CLIP1: variants seen among roughly 807,000 people sequenced by gnomAD.
CLIP1 encodes CAP-Gly domain containing linker protein 1, also known as CAP-Gly domain-containing linker protein 1.
CLIP1 carries 66 observed loss-of-function variants against 161.6 expected under a neutral mutation model. That is an observed-to-expected ratio of 0.41 (90% CI 0.33 to 0.50). The LOEUF (loss-of-function observed/expected upper bound fraction) is 0.50, where lower values mean the gene tolerates loss of function less well. CLIP1 is among the 20% of genes least tolerant of loss of function. The pLI is 0.27. For missense variants in CLIP1, 1,376 were observed against 1,702.0 expected (o/e 0.81, Z 3.37); for synonymous variants, 598 against 626.2 (o/e 0.96, Z 0.67).
chr12:122,310,281 AG>A (rs1311744118), intron 19 of CLIP1, among the ~76,000 whole-genome samples: 1 of 152,244 alleles, frequency 6.6e-6, no homozygotes, highest in Non-Finnish European at 1.5e-5. Flanking sequence ...TTTGCTGCCA[AG>A]GCACTCTGTT....
At chr12:122,380,924 G>C (rs758685727) in intron 1 of CLIP1, among the ~76,000 whole-genome samples, 50 of 152,208 alleles carry the variant, frequency 3.3e-4, no homozygotes, top group Middle Eastern at 3.4e-3. Flanking sequence ...AATTAGCCAT[G>C]AGGCTGAGGG....
chr12:122,358,983 C>T (rs1953644991), intron 5 of CLIP1, among the ~76,000 whole-genome samples: 1 of 152,168 alleles, frequency 6.6e-6, no homozygotes, highest in African/African-American at 2.4e-5. Flanking sequence ...ATCGCTTGAA[C>T]CCGGGAGACA....
Position 122,336,281 on chromosome 12 carries a change from A to G in CLIP1, c.2568+351T>C, listed in dbSNP as rs530680266. ...AATCACAGTTTAGGGGCCTCATTCA[A>G]TATGAAGGGGCCTCATTCAATATGA... is the stretch of plus-strand genomic sequence containing the variant. On this transcript the variant is annotated intron_variant, in intron 12 of 25. Coordinates refer to ENST00000620786, the MANE Select transcript of CLIP1 (RefSeq NM_001247997.2). Among the ~76,000 whole-genome samples, 252 of 152,274 alleles carry G rather than the reference A, an allele frequency of 1.7e-3. 3 individuals are homozygous for G. The South Asian group carries it at 0.022, about 14-fold the overall frequency.
chr12:122,377,048 C>T (rs1378180184), intron 3 of CLIP1, among the ~76,000 whole-genome samples: 2 of 150,188 alleles, frequency 1.3e-5, no homozygotes, highest in Non-Finnish European at 3.0e-5. Context: ...CTCACTCTCT[C>T]GCCCAGGCTG....
chr12:122,294,920 G>A (rs1950411494), intron 20 of CLIP1, among the ~76,000 whole-genome samples: 1 of 151,568 alleles, frequency 6.6e-6, no homozygotes, highest in South Asian at 2.1e-4. Context: ...TGGGCGTGGT[G>A]GCATGCACCT....
rs144384017 is a variant in CLIP1 at position 122,349,912 on chromosome 12, G to T, written c.1401+1199C>A. Reference sequence around the variant, plus strand: ...TTTTTTTGTTTTTTTTGTTTTTTTTGTTTTTTTTTGAGATGGAGTTTTGTT... The same window carrying T: ...TTTTTTTGTTTTTTTTGTTTTTTTTTTTTTTTTTTGAGATGGAGTTTTGTT... On this transcript the variant is annotated intron_variant, in intron 9 of 25. Transcript: ENST00000620786. Among the ~76,000 whole-genome samples, 701 of 132,988 alleles carry T rather than the reference G, an allele frequency of 5.3e-3. 6 individuals carry two copies. Among genetic ancestry groups the T allele is most frequent in the Non-Finnish European group, 6.0e-3 (357 of 59,830 alleles). The allele number at this position is 132,988 out of a possible 152,430, so 87.2% of individuals were successfully genotyped here.
At chr12:122,294,045 A>G (rs1950367940) in intron 20 of CLIP1, among the ~76,000 whole-genome samples, 1 of 151,684 alleles carries the variant, frequency 6.6e-6, no homozygotes, top group Admixed American at 6.6e-5. Flanking sequence ...ATTCAAAACA[A>G]CTTTACTCAA....
rs1416949648 is a variant in CLIP1, at chr12:122,347,364, A to C, written c.1506+11T>G. ...CATGGGTCTGCTTCATTAAATAGTGAAAACCATTACCCTAGTGTCTTCTAA... is the reference window on the plus strand; with the variant it reads ...CATGGGTCTGCTTCATTAAATAGTGCAAACCATTACCCTAGTGTCTTCTAA... On this transcript the variant is annotated intron_variant, in intron 10 of 25. Transcript: ENST00000620786. 6.3e-7 allele frequency: 1 copy of C among 1,579,962 alleles called. No individual in the cohort carries two copies. Among genetic ancestry groups the C allele is most frequent in the Non-Finnish European group, 8.7e-7 (1 of 1,149,568 alleles).
chr12:122,340,767 C>G lies in CLIP1; in HGVS notation c.2437G>C (p.Ala813Pro), dbSNP rs537513361. The G allele has an allele frequency of 6.3e-7, 1 of 1,578,696 alleles. No homozygotes were observed. Among genetic ancestry groups the G allele is most frequent in the African/African-American group, 1.4e-5 (1 of 73,244 alleles). Residue 813 changes from alanine (A) to proline (P), a missense_variant, in exon 11 of 26, where the codon GCT becomes CCT. Coordinates refer to ENST00000620786, the MANE Select transcript of CLIP1 (RefSeq NM_001247997.2). Reference protein sequence around the residue: ...QIKHLEIEKNAESSKASSITR... With the variant: ...QIKHLEIEKNPESSKASSITR... ...TCAATACAAACCTTGCTACTTTCAGCATTCTTTTCAATCTCTAAATGTTTA... is the reference window on the plus strand; with the variant it reads ...TCAATACAAACCTTGCTACTTTCAGGATTCTTTTCAATCTCTAAATGTTTA...
Position 122,377,415 on chromosome 12 carries a change from C to T in CLIP1, c.631G>A (p.Glu211Lys), listed in dbSNP as rs1432208175. 6.2e-7 allele frequency: 1 copy of T among 1,613,984 alleles called. No individual in the cohort carries two copies. Residue 211 changes from glutamate to lysine, a missense_variant, in exon 3 of 26, where the codon GAG becomes AAG. Transcript: ENST00000620786. ...EAGSIKKGER[E>K]LKIGDRVLVG... ...AATACTCTGTCTCCGATTTTGAGCT[C>T]TCTTTCTCCTTTCTTGATTGAGCCA...
intron 21 of CLIP1, among the ~76,000 whole-genome samples, chr12:122,285,198 G>C (rs1179659522): frequency 6.6e-6 from 1 of 150,994 alleles, no homozygotes; most frequent in Admixed American, 6.6e-5. Flanking sequence ...GAATTATGAC[G>C]TGCTACATAA....
chr12:122,356,744 TCTC>T (rs1047345288), intron 5 of CLIP1, among the ~76,000 whole-genome samples: 12 of 29,392 alleles, frequency 4.1e-4, no homozygotes, highest in African/African-American at 9.4e-4. Flanking sequence ...CCTGCCTGAT[TCTC>T]CTGCCTCAGC....
chr12:122,273,502 C>T (rs918416834), intron 25 of CLIP1, among the ~76,000 whole-genome samples: 8 of 152,186 alleles, frequency 5.3e-5, no homozygotes, highest in East Asian at 1.9e-4. Context: ...CTGCCCACCT[C>T]GGCCTCCCAA....
At chr12:122,300,558 G>A (rs1593012844) in intron 20 of CLIP1, among the ~76,000 whole-genome samples, 1 of 152,038 alleles carries the variant, frequency 6.6e-6, no homozygotes, top group African/African-American at 2.4e-5. Flanking sequence ...CATTTTCTTA[G>A]GTATAAATTA....
At chr12:122,372,372 G>A (rs981500603) in intron 3 of CLIP1, among the ~76,000 whole-genome samples, 2 of 151,382 alleles carry the variant, frequency 1.3e-5, no homozygotes, top group African/African-American at 2.4e-5. Context: ...GTGAGATTGC[G>A]CCATTGCACT....
intron 4 of CLIP1, among the ~76,000 whole-genome samples, chr12:122,361,630 G>GA (rs1953814766): frequency 6.6e-6 from 1 of 152,216 alleles, no homozygotes; most frequent in Non-Finnish European, 1.5e-5. Context: ...ACTGTGGGAG[G>GA]CCGAGGCGGC....
At position 122,404,404 on chromosome 12, in the gene CLIP1, G is replaced by A. The variant is rs1473994353; in HGVS notation, c.-107+18117C>T. On this transcript the variant is annotated intron_variant, in intron 1 of 25. Coordinates refer to ENST00000620786, the MANE Select transcript of CLIP1 (RefSeq NM_001247997.2). ...TTGAGGCTAGGAGTTCGAGACCTTCGGGCTGGCCAACATGGTGAAACCTGT... is the reference window on the plus strand; with the variant it reads ...TTGAGGCTAGGAGTTCGAGACCTTCAGGCTGGCCAACATGGTGAAACCTGT... 4.0e-5 allele frequency among the ~76,000 whole-genome samples: 6 copies of A among 151,498 alleles called. No individual in the cohort carries two copies. The East Asian group carries it at 7.8e-4, about 20-fold the overall frequency.
intron 3 of CLIP1, chr12:122,364,922 C>T (rs1318464397): frequency 7.4e-6 from 4 of 541,546 alleles, no homozygotes; most frequent in Admixed American, 2.1e-5. Context: ...ATGATGAGTT[C>T]ATGTCCTTTG....
intron 1 of CLIP1, among the ~76,000 whole-genome samples, chr12:122,412,164 G>A (rs1956561613): frequency 6.7e-6 from 1 of 149,056 alleles, no homozygotes. Flanking sequence ...AACCTCCTGG[G>A]CTCAAGGAAT....
Sources: allele counts gnomAD v4.1 joint callset (sites outside exome capture counted in the v4.1 genomes callset), GRCh38; gene constraint gnomAD v4.1.1; transcripts MANE v1.5; gene names NCBI Gene and HGNC (gene_info 2026-07-23, HGNC 2026-07-21).